The following EPB41L4A variants were observed in gnomAD, a reference collection of about 807,000 sequenced individuals.
The protein encoded by EPB41L4A is erythrocyte membrane protein band 4.1 like 4A, also known as band 4.1-like protein 4A.
EPB41L4A carries 100 observed loss-of-function variants against 108.6 expected under a neutral mutation model. That is an observed-to-expected ratio of 0.92 (90% CI 0.78 to 1.09). The LOEUF is 1.09. Among genes scored for constraint, EPB41L4A ranks in the 50% least tolerant of loss-of-function variants. EPB41L4A has a pLI of 0.00. For missense variants in EPB41L4A, 1,030 were observed against 842.7 expected, an observed-to-expected ratio of 1.22 and a Z score of -2.75; for synonymous variants, 319 against 289.0, an observed-to-expected ratio of 1.10 and a Z score of -1.05.
chr5:112,384,057 A>T (rs9326853), intron 1 of EPB41L4A, among the ~76,000 whole-genome samples: 34,028 of 152,090 alleles, frequency 0.22, 6,316 homozygotes, highest in African/African-American at 0.51. Context: ...GTGCCCAGAA[A>T]ATGCAAATCT....
At chr5:112,174,563 A>T (rs966160338) in intron 18 of EPB41L4A, among the ~76,000 whole-genome samples, 3 of 152,184 alleles carry the variant, frequency 2.0e-5, no homozygotes, top group African/African-American at 7.2e-5. Flanking sequence ...TCATTCACAA[A>T]TCACTTTCCC....
chr5:112,240,624 A>G (rs1749707456), intron 10 of EPB41L4A, 95 bp downstream of exon 10: 1 of 677,300 alleles, frequency 1.5e-6, no homozygotes, highest in African/African-American at 1.9e-5. Flanking sequence ...AAGGGAAACA[A>G]TTCCAAATTT....
rs1183402429 is a variant in EPB41L4A at position 112,164,382 on chromosome 5, A to T, written c.*608T>A. 6.6e-6 allele frequency: 1 copy of T among 152,268 alleles called. No homozygotes were observed. Among genetic ancestry groups the T allele is most frequent in the Admixed American group, 6.5e-5 (1 of 15,286 alleles). The allele number at this position is 152,268 out of a possible 1,614,324, so 9.4% of individuals were successfully genotyped here. On this transcript the variant is annotated 3_prime_UTR_variant, in exon 23 of 23. Transcript: ENST00000261486. ...TTGCACAGCAGGCTAGCTGCAGTTC[A>T]GAATTCCAGAATGTTCATCAGATGC...
chr5:112,400,402 G>A (rs577872696), intron 1 of EPB41L4A, among the ~76,000 whole-genome samples: 154 of 152,100 alleles, frequency 1.0e-3, no homozygotes, highest in African/African-American at 3.6e-3. Context: ...AAGAAAAGAG[G>A]TTGCATTAGC....
chr5:112,257,887 C>A (rs77069902), intron 9 of EPB41L4A, among the ~76,000 whole-genome samples: 4,257 of 152,210 alleles, frequency 0.028, 282 homozygotes, highest in East Asian at 0.27. Flanking sequence ...AACTACAAAA[C>A]CCTCCTAATT....
At chr5:112,301,839 G>C (rs1051448580) in intron 2 of EPB41L4A, among the ~76,000 whole-genome samples, 1 of 151,990 alleles carries the variant, frequency 6.6e-6, no homozygotes, top group Admixed American at 6.6e-5. Context: ...ACAACAATTA[G>C]AGCCTTAACA....
chr5:112,404,627 CCTT>C (rs1460845666), intron 1 of EPB41L4A, among the ~76,000 whole-genome samples: 2 of 152,202 alleles, frequency 1.3e-5, no homozygotes, highest in Non-Finnish European at 2.9e-5. Context: ...TATATTCTCT[CCTT>C]CTTCCACTAC....
intron 1 of EPB41L4A, among the ~76,000 whole-genome samples, chr5:112,388,746 C>A (rs563290081): frequency 6.6e-6 from 1 of 152,274 alleles, no homozygotes; most frequent in East Asian, 1.9e-4. Flanking sequence ...CTCAGGGGCT[C>A]TTTTTTCTCC....
At chr5:112,231,523 C>T (rs1391872084) in intron 12 of EPB41L4A, among the ~76,000 whole-genome samples, 6 of 151,838 alleles carry the variant, frequency 4.0e-5, no homozygotes, top group Non-Finnish European at 7.4e-5. Flanking sequence ...CGGTGGCTCA[C>T]GCCTGTAATC....
chr5:112,301,658 T>C lies in EPB41L4A; in HGVS notation c.204+5728A>G, dbSNP rs573589365. On this transcript the variant is annotated intron_variant, in intron 2 of 22. Transcript: ENST00000261486. Reference sequence around the variant, plus strand: ...CTGGAGCAAAATTTCACAATGCAAGTCTCTACACACTGCACGATCCGTCCG... The same window carrying C: ...CTGGAGCAAAATTTCACAATGCAAGCCTCTACACACTGCACGATCCGTCCG... 2.4e-4 allele frequency among the ~76,000 whole-genome samples: 36 copies of C among 152,274 alleles called. No homozygotes were observed. The South Asian group carries it at 6.9e-3, about 29-fold the overall frequency.
At chr5:112,167,416 T>C (rs1009657999) in intron 22 of EPB41L4A, among the ~76,000 whole-genome samples, 1 of 152,224 alleles carries the variant, frequency 6.6e-6, no homozygotes, top group Admixed American at 6.5e-5. Context: ...ATGCAGATTA[T>C]AGTAGAAGCT....
At chr5:112,350,610 A>G (rs1380734719) in intron 1 of EPB41L4A, among the ~76,000 whole-genome samples, 1 of 152,088 alleles carries the variant, frequency 6.6e-6, no homozygotes, top group Non-Finnish European at 1.5e-5. Context: ...CCATTAACCT[A>G]TCTCTCTTCA....
chr5:112,159,552 G>A (rs1759773821), downstream of EPB41L4A, among the ~76,000 whole-genome samples: 1 of 152,202 alleles, frequency 6.6e-6, no homozygotes, highest in African/African-American at 2.4e-5. Flanking sequence ...GACCCTAAGT[G>A]CCTTGCTCCT....
intron 1 of EPB41L4A, among the ~76,000 whole-genome samples, chr5:112,353,241 G>A (rs1386310341): frequency 6.7e-6 from 1 of 149,052 alleles, no homozygotes; most frequent in Non-Finnish European, 1.5e-5. Context: ...TGGCATGCTT[G>A]AACCAAGCAG....
rs1260926503 is a variant in EPB41L4A, at chr5:112,391,102, CACAA to C, written c.99+27835_99+27838del. Among the ~76,000 whole-genome samples, 6 of 152,274 alleles carry C rather than the reference CACAA, an allele frequency of 3.9e-5. No individual in the cohort carries two copies. In the East Asian group the frequency reaches 1.2e-3, roughly 29 times the overall value. ...ATCAAAGACCAAAGGTAGATAAAAC[CACAA>C]AGATGGGGAGAAACCAGAGTAAAAA... is the stretch of plus-strand genomic sequence containing the variant. On this transcript the variant is annotated intron_variant, in intron 1 of 22. Transcript: ENST00000261486.
intron 6 of EPB41L4A, chr5:112,264,107 C>T (rs961630412): frequency 6.6e-6 from 1 of 152,206 alleles, no homozygotes. Context: ...GCCACCACGC[C>T]CAGCCATGTT....
intron 16 of EPB41L4A, 50 bp from the exon 17 acceptor site, chr5:112,194,695 A>C: frequency 6.0e-6 from 8 of 1,339,162 alleles, no homozygotes; most frequent in Middle Eastern, 2.0e-4. Context: ...TTTATAACTC[A>C]CGAACAATTT....
At chr5:112,366,486 T>C (rs1343536221) in intron 1 of EPB41L4A, among the ~76,000 whole-genome samples, 1 of 151,610 alleles carries the variant, frequency 6.6e-6, no homozygotes, top group Non-Finnish European at 1.5e-5. Flanking sequence ...AACACCACAC[T>C]TGGAAGAGCA....
At chr5:112,384,946 T>G (rs948340199) in intron 1 of EPB41L4A, among the ~76,000 whole-genome samples, 5 of 152,236 alleles carry the variant, frequency 3.3e-5, no homozygotes, top group African/African-American at 2.4e-5. Context: ...TTGCTAGGGT[T>G]GCCAGTCCTG....
Sources: gnomAD v4.1 joint callset for allele counts (sites outside exome capture counted in the v4.1 genomes callset) on GRCh38, gnomAD v4.1.1 for gene constraint, MANE v1.5 for transcripts, NCBI Gene and HGNC (gene_info 2026-07-23, HGNC 2026-07-21) for gene names.